The following ABHD5 variants were observed in gnomAD, a reference collection of about 807,000 sequenced individuals.
The protein encoded by ABHD5 is 1-acylglycerol-3-phosphate O-acyltransferase ABHD5.
ABHD5 carries 30 observed loss-of-function variants against 44.9 expected under a neutral mutation model. The observed-to-expected ratio is 0.67, with a 90% CI of 0.50 to 0.91. ABHD5 has a LOEUF of 0.91. ABHD5 is among the 40% of genes least tolerant of loss of function. The pLI is 0.00. For synonymous variants in ABHD5, 167 were observed against 147.0 expected (o/e 1.14, Z -0.99); for missense variants, 399 against 423.4 (o/e 0.94, Z 0.50).
At chr3:43,730,346 A>G (rs1204406104) in intron 7 of ABHD5, among the ~76,000 whole-genome samples, 2 of 152,212 alleles carry the variant, frequency 1.3e-5, no homozygotes, top group Non-Finnish European at 2.9e-5. Context: ...TGGAAGGGAA[A>G]GTCAAGGAAA....
downstream of ABHD5, among the ~76,000 whole-genome samples, chr3:43,724,242 G>T (rs2084863144): frequency 6.6e-6 from 1 of 152,142 alleles, no homozygotes; most frequent in Non-Finnish European, 1.5e-5. Flanking sequence ...GTGGGTAATA[G>T]CTGGAGGGAA....
intron 3 of ABHD5, among the ~76,000 whole-genome samples, chr3:43,706,509 A>G (rs962499735): frequency 6.6e-6 from 1 of 150,438 alleles, no homozygotes; most frequent in African/African-American, 2.5e-5. Flanking sequence ...ACTCTGTTGC[A>G]CAGTTTGGAG....
At chr3:43,692,616 A>T (rs2084410708) in intron 1 of ABHD5, among the ~76,000 whole-genome samples, 1 of 152,204 alleles carries the variant, frequency 6.6e-6, no homozygotes, top group African/African-American at 2.4e-5. Context: ...GTGTCCAGTG[A>T]CTATCCCCAG....
chr3:43,699,458 T>G, intron 2 of ABHD5, 97 bp downstream of exon 2: 1 of 1,169,514 alleles, frequency 8.6e-7, no homozygotes, highest in Non-Finnish European at 1.3e-6. Context: ...CTGTGGTGTG[T>G]TCATTGTTGG....
chr3:43,721,220 GAA>G lies in ABHD5; in HGVS notation c.*2689_*2690del, dbSNP rs1018310725. The G allele has an allele frequency of 7.9e-5, 12 of 152,182 alleles. No individual in the cohort carries two copies. Among genetic ancestry groups the G allele is most frequent in the African/African-American group, 2.9e-4 (12 of 41,522 alleles). 9.4% of individuals were successfully genotyped at this position (152,182 alleles called of 1,614,324 possible). A position where few individuals can be genotyped will look rare whatever the true frequency, so the allele number is the denominator to read the frequency against. On this transcript the variant is annotated 3_prime_UTR_variant, in exon 7 of 7. Coordinates refer to ENST00000644371, the MANE Select transcript of ABHD5 (RefSeq NM_016006.6). The stretch of plus-strand genomic sequence containing the variant: ...AAAGGCTTTAAAAATGGTGTTGAGA[GAA>G]GTGTGGTTAACCATTTGGAAAAAAA...
chr3:43,716,438 G>A (rs1022559484), intron 5 of ABHD5, among the ~76,000 whole-genome samples: 1 of 152,148 alleles, frequency 6.6e-6, no homozygotes, highest in East Asian at 1.9e-4. Flanking sequence ...AGGCTAAGAG[G>A]CGAGATGCAG....
chr3:43,700,924 T>C (rs1022442279), intron 2 of ABHD5, among the ~76,000 whole-genome samples: 9 of 152,238 alleles, frequency 5.9e-5, no homozygotes, highest in African/African-American at 2.2e-4. Flanking sequence ...TATACTTGGG[T>C]AAACTTGCTC....
chr3:43,699,986 C>G (rs1317687655), intron 2 of ABHD5, among the ~76,000 whole-genome samples: 1 of 152,166 alleles, frequency 6.6e-6, no homozygotes, highest in Non-Finnish European at 1.5e-5. Context: ...GACACCCCCC[C>G]TGACTCTGCT....
chr3:43,699,193 T>C, intron 1 of ABHD5, 83 bp from the exon 2 acceptor site: 1 of 1,223,164 alleles, frequency 8.2e-7, no homozygotes, highest in Non-Finnish European at 1.2e-6. Flanking sequence ...TTTCCTGTGC[T>C]GCCTTTCTTC....
chr3:43,705,937 G>A (rs2084613415), intron 3 of ABHD5, among the ~76,000 whole-genome samples: 2 of 152,082 alleles, frequency 1.3e-5, no homozygotes, highest in South Asian at 4.1e-4. Flanking sequence ...AATTTACATA[G>A]ATGATCTGAT....
At chr3:43,700,668 G>T (rs986030780) in intron 2 of ABHD5, among the ~76,000 whole-genome samples, 3 of 151,786 alleles carry the variant, frequency 2.0e-5, no homozygotes, top group African/African-American at 7.3e-5. Context: ...CTGCCTCCTG[G>T]GTTCAAGCAA....
chr3:43,700,465 T>G (rs565825398), intron 2 of ABHD5, among the ~76,000 whole-genome samples: 124 of 152,350 alleles, frequency 8.1e-4, no homozygotes, highest in African/African-American at 2.7e-3. Context: ...ACATGCCTGT[T>G]TTTCATTCTC....
downstream of ABHD5, among the ~76,000 whole-genome samples, chr3:43,723,850 G>A (rs2084860146): frequency 6.6e-6 from 1 of 152,170 alleles, no homozygotes; most frequent in Admixed American, 6.5e-5. Flanking sequence ...GAAGCAATTA[G>A]AAAAGAGTTT....
chr3:43,728,599 G>A (rs2084893493), intron 7 of ABHD5, among the ~76,000 whole-genome samples: 1 of 152,206 alleles, frequency 6.6e-6, no homozygotes, highest in South Asian at 2.1e-4. Context: ...AGAGACTGAT[G>A]AAGTGGGACC....
intron 7 of ABHD5, among the ~76,000 whole-genome samples, chr3:43,729,675 G>A (rs1200091420): frequency 6.6e-6 from 1 of 152,170 alleles, no homozygotes; most frequent in Non-Finnish European, 1.5e-5. Context: ...AATTTGTCTA[G>A]CCAAGTTTTG....
chr3:43,708,536 G>A (rs1237234292), intron 3 of ABHD5, among the ~76,000 whole-genome samples: 3 of 152,088 alleles, frequency 2.0e-5, no homozygotes, highest in African/African-American at 4.8e-5. Context: ...CCATGTTCCC[G>A]GGAATAAATT....
At position 43,691,763 on chromosome 3, in the gene ABHD5, C is replaced by T. The variant is rs2084393277; in HGVS notation, c.47+724C>T. On this transcript the variant is annotated intron_variant, in intron 1 of 6. Coordinates refer to ENST00000644371, the MANE Select transcript of ABHD5 (RefSeq NM_016006.6). ...TACACGTTCAAATGTCATAATTCAT[C>T]TTTCGGATGAAGGTCTTTGGCTTGC... Among the ~76,000 whole-genome samples, 5 of 152,216 alleles carry T rather than the reference C, an allele frequency of 3.3e-5. 1 individual carries two copies. In the South Asian group the frequency reaches 1.0e-3, roughly 31 times the overall value.
chr3:43,699,309 G>C lies in ABHD5; in HGVS notation c.81G>C (p.Trp27Cys). Residue 27 changes from tryptophan to cysteine, a missense_variant, in exon 2 of 7, where the codon TGG becomes TGC. Physicochemically the swap from Trp to Cys is radical, Grantham distance 215 (BLOSUM62 -2). Transcript: ENST00000644371. ...SGWLTGWLPT[W>C]CPTSISHLKE... ...GGCTAACTGGTTGGCTCCCCACATGGTGCCCTACGTCTATATCACACCTTA... is the reference window on the plus strand; with the variant it reads ...GGCTAACTGGTTGGCTCCCCACATGCTGCCCTACGTCTATATCACACCTTA... The C allele has an allele frequency of 6.2e-7, 1 of 1,614,080 alleles. No homozygotes were observed. The highest frequency in any genetic ancestry group is 8.5e-7 in the Non-Finnish European group (1 of 1,179,952).
At position 43,691,032 on chromosome 3, in the gene ABHD5, G is replaced by GGA; in HGVS notation, c.46_47dup (p.Ser17GlyfsTer5). ...GGAGGAGGTGGACTCTGCCGACACC[G>GGA]GAGAGAGGTAAGCGCAGCCGGCAGG... On this transcript the variant is annotated frameshift_variant, in exon 1 of 7. Transcript: ENST00000644371. LOFTEE classifies it high-confidence loss of function. The GGA allele has an allele frequency of 6.4e-7, 1 of 1,560,480 alleles. No homozygotes were observed. The highest frequency in any genetic ancestry group is 8.7e-7 in the Non-Finnish European group (1 of 1,155,558).
Sources: allele counts gnomAD v4.1 joint callset (sites outside exome capture counted in the v4.1 genomes callset), GRCh38; gene constraint gnomAD v4.1.1; transcripts MANE v1.5; gene names NCBI Gene and HGNC (gene_info 2026-07-23, HGNC 2026-07-21).